Variants in IRAG2 observed in about 807,000 individuals in gnomAD.
IRAG2 encodes the protein lymphoid restricted membrane protein.
A neutral mutation model predicts 69.9 loss-of-function variants in IRAG2; 45 were observed. That is an observed-to-expected ratio of 0.64 (90% CI 0.51 to 0.83). IRAG2 has a LOEUF of 0.83. Among genes scored for constraint, IRAG2 ranks in the 40% least tolerant of loss-of-function variants. The pLI, the probability that IRAG2 is intolerant of heterozygous loss-of-function variation, is 0.00. For synonymous variants in IRAG2, 193 were observed against 202.4 expected (o/e 0.95, Z 0.40); for missense variants, 520 against 587.0 (o/e 0.89, Z 1.18).
At chr12:25,076,509 C>CA (rs1165948696) in intron 6 of IRAG2, 17 of 984,690 alleles carry the variant, frequency 1.7e-5, no homozygotes, top group Non-Finnish European at 2.0e-5. Context: ...CTAATTAGAC[C>CA]TTTTTTTGAA....
intron 14 of IRAG2, among the ~76,000 whole-genome samples, chr12:25,095,729 T>C (rs959978450): frequency 6.6e-6 from 1 of 152,212 alleles, no homozygotes; most frequent in African/African-American, 2.4e-5. Context: ...ATTCTTTAAA[T>C]GGTAGAATTC....
chr12:25,099,549 C>T (rs1948622607), intron 15 of IRAG2, among the ~76,000 whole-genome samples: 1 of 152,108 alleles, frequency 6.6e-6, no homozygotes, highest in Admixed American at 6.6e-5. Flanking sequence ...ATATGGTCTC[C>T]CTGCTTCCAT....
chr12:25,051,508 C>T (rs1944871815), upstream of IRAG2, among the ~76,000 whole-genome samples: 1 of 152,216 alleles, frequency 6.6e-6, no homozygotes, highest in Non-Finnish European at 1.5e-5. Context: ...GAGGTACTGG[C>T]ATGTAACACA....
chr12:25,094,110 T>C (rs1948259997), intron 14 of IRAG2, among the ~76,000 whole-genome samples: 1 of 152,064 alleles, frequency 6.6e-6, no homozygotes, highest in Non-Finnish European at 1.5e-5. Flanking sequence ...TTGTCTATTT[T>C]CACTTTTGTT....
intron 16 of IRAG2, among the ~76,000 whole-genome samples, chr12:25,046,618 T>C (rs1944796547): frequency 6.6e-6 from 1 of 151,992 alleles, no homozygotes; most frequent in Non-Finnish European, 1.5e-5. Context: ...TTGAAATAAA[T>C]TTAAAGAGGT....
intron 1 of IRAG2, among the ~76,000 whole-genome samples, chr12:25,055,141 G>C (rs924367130): frequency 1.3e-5 from 2 of 152,184 alleles, no homozygotes; most frequent in African/African-American, 4.8e-5. Flanking sequence ...GGATGCAGCT[G>C]GTTTGTCCAA....
chr12:25,092,344 C>T (rs1276308560), intron 14 of IRAG2, among the ~76,000 whole-genome samples: 1 of 147,396 alleles, frequency 6.8e-6, no homozygotes, highest in African/African-American at 2.5e-5. Flanking sequence ...AGGTTGCAGT[C>T]AGCCAAGATC....
chr12:25,103,850 G>A lies in IRAG2; in HGVS notation c.947G>A (p.Arg316Gln), dbSNP rs752582582. 1.3e-5 allele frequency: 21 copies of A among 1,612,472 alleles called. No homozygotes were observed. Among genetic ancestry groups the A allele is most frequent in the South Asian group, 5.5e-5 (5 of 91,020 alleles). The change falls in exon 18 of 22, where the codon CGA (arginine) becomes CAA (glutamine). Residue 316 changes from arginine (R) to glutamine (Q), a missense_variant. By Grantham distance (43) the Arg-to-Gln change is conservative. Coordinates refer to ENST00000556887, the MANE Select transcript of IRAG2 (RefSeq NM_001366544.2). ...TCCTTCTGGTAGCCATCTTCTCTAC[G>A]AAGAGTGACTATTGCCTCTTTACCC... Reference protein sequence around the residue: ...ASLNSKPSSLRRVTIASLPRN... With the variant: ...ASLNSKPSSLQRVTIASLPRN...
In IRAG2 at chr12:25,052,882, G is replaced by C. The variant is rs553976881; in HGVS notation, c.-521G>C. 5 of 398,516 alleles carry C rather than the reference G, an allele frequency of 1.3e-5. No individual in the cohort carries two copies. The highest frequency in any genetic ancestry group is 6.3e-4 in the Middle Eastern group (1 of 1,588). The allele number at this position is 398,516 out of a possible 1,614,324, so 24.7% of individuals were successfully genotyped here. On this transcript the variant is annotated 5_prime_UTR_variant, in exon 1 of 22. Transcript: ENST00000556887. ...TTAGAGGAAGCAATTTCGGAACAAC[G>C]GAACCTTCAAACTATAAATACTGAA...
At chr12:25,043,627 T>C (rs7134937) in intron 16 of IRAG2, among the ~76,000 whole-genome samples, 119,611 of 151,916 alleles carry the variant, frequency 0.79, 48,758 homozygotes, top group South Asian at 0.89. Context: ...TACTATGAGA[T>C]GCATCATGCT....
chr12:25,009,220 G>T (rs999891920), intron 2 of IRAG2, among the ~76,000 whole-genome samples: 1 of 152,128 alleles, frequency 6.6e-6, no homozygotes, highest in African/African-American at 2.4e-5. Context: ...GTGGGAGGAT[G>T]CCTTGAGCCA....
intron 1 of IRAG2, among the ~76,000 whole-genome samples, chr12:25,005,079 C>T (rs887710987): frequency 2.6e-5 from 4 of 151,558 alleles, no homozygotes; most frequent in Admixed American, 1.3e-4. Context: ...CAAAACAGAA[C>T]GTCATGATGG....
chr12:25,015,114 A>T, intron 3 of IRAG2: 2 of 351,112 alleles, frequency 5.7e-6, no homozygotes, highest in Non-Finnish European at 8.1e-6. Context: ...AAAAAAAAAG[A>T]CAAAACTTGG....
chr12:25,000,580 G>A (rs751402335), upstream of IRAG2, among the ~76,000 whole-genome samples: 3 of 152,190 alleles, frequency 2.0e-5, no homozygotes, highest in Non-Finnish European at 4.4e-5. Context: ...TCACACCTGT[G>A]AATAGCCACG....
chr12:25,088,171 C>A lies in IRAG2; in HGVS notation c.373+14C>A. 1.9e-6 allele frequency: 3 copies of A among 1,604,012 alleles called. No individual in the cohort carries two copies. The highest frequency in any genetic ancestry group is 2.6e-6 in the Non-Finnish European group (3 of 1,170,866). On this transcript the variant is annotated intron_variant, in intron 11 of 21. Transcript: ENST00000556887. Reference sequence around the variant, plus strand: ...ATGCTTCAGGAGGTAAGGAATGTTTCTTTCAATCCCCATGTGAACTTTTGT... The same window carrying A: ...ATGCTTCAGGAGGTAAGGAATGTTTATTTCAATCCCCATGTGAACTTTTGT...
upstream of IRAG2, among the ~76,000 whole-genome samples, chr12:25,049,293 A>G (rs1227125794): frequency 6.6e-6 from 1 of 152,240 alleles, no homozygotes; most frequent in African/African-American, 2.4e-5. Flanking sequence ...TGCCAATGGC[A>G]GTTTAATGGG....
chr12:25,069,222 GAACTT>G lies in IRAG2; in HGVS notation c.-58-125_-58-121del, dbSNP rs1193591748. 3 of 526,212 alleles carry G rather than the reference GAACTT, an allele frequency of 5.7e-6. No individual in the cohort carries two copies. The East Asian group carries it at 9.0e-5, about 16-fold the overall frequency. 32.6% of individuals were successfully genotyped at this position (526,212 alleles called of 1,614,324 possible). On this transcript the variant is annotated intron_variant, in intron 5 of 21. Coordinates refer to ENST00000556887, the MANE Select transcript of IRAG2 (RefSeq NM_001366544.2). Reference sequence around the variant, plus strand: ...TTTCATTATGTGTTACTTAAACCATGAACTTAATTAGAAATTTGATAAAATTAGGA... The same window carrying G: ...TTTCATTATGTGTTACTTAAACCATGAATTAGAAATTTGATAAAATTAGGA...
rs371589824 is a variant in IRAG2 at position 25,069,422 on chromosome 12, A to G, written c.15A>G (p.Pro5=). 1 of 1,614,054 alleles carries G rather than the reference A, an allele frequency of 6.2e-7. No homozygotes were observed. Among genetic ancestry groups the G allele is most frequent in the African/African-American group, 1.3e-5 (1 of 75,044 alleles). MNDD[P]SMEENGVERV... ...GCTGCATCAGGATGAATGATGACCC[A>G]AGTATGGAAGTGAGTGTTGGACTGG... The change falls in exon 6 of 22, where the codon CCA becomes CCG. Residue 5 remains proline (P), a synonymous_variant. Transcript: ENST00000556887.
intron 15 of IRAG2, among the ~76,000 whole-genome samples, chr12:25,036,895 T>A (rs1261467433): frequency 6.6e-6 from 1 of 152,040 alleles, no homozygotes; most frequent in Non-Finnish European, 1.5e-5. Context: ...ATATGTGAGA[T>A]GTGATGGAGA....
Sources: allele counts gnomAD v4.1 joint callset (sites outside exome capture counted in the v4.1 genomes callset), GRCh38; gene constraint gnomAD v4.1.1; transcripts MANE v1.5; gene names NCBI Gene and HGNC (gene_info 2026-07-23, HGNC 2026-07-21).